The following TACC2 variants were observed in gnomAD, a reference collection of about 807,000 sequenced individuals.
TACC2 encodes transforming acidic coiled-coil containing protein 2, also known as transforming acidic coiled-coil-containing protein 2.
A neutral mutation model predicts 227.3 loss-of-function variants in TACC2; 137 were observed. The observed-to-expected ratio is 0.60, with a 90% CI of 0.52 to 0.69. TACC2 has a LOEUF of 0.69. TACC2 is among the 30% of genes least tolerant of loss of function. TACC2 has a pLI of 0.00. For synonymous variants in TACC2, 1,523 were observed against 1,487.5 expected, an observed-to-expected ratio of 1.02 and a Z score of -0.55; for missense variants, 3,470 against 3,694.4, an observed-to-expected ratio of 0.94 and a Z score of 1.57.
chr10:122,237,487 T>G lies in TACC2; in HGVS notation c.8220T>G (p.Leu2740=). The G allele has an allele frequency of 6.2e-7, 1 of 1,614,132 alleles. No homozygotes were observed. The highest frequency in any genetic ancestry group is 8.5e-7 in the Non-Finnish European group (1 of 1,180,016). ...CTGAGGTGGAGAAACCTGCAGGCCT[T>G]CTGTTCCAGCAGCCCGACCTGGACT... ...GTAEVEKPAG[L]LFQQPDLDSA... is the part of the protein sequence containing the mutation. The change falls in exon 17 of 23, where the codon CTT becomes CTG. Residue 2740 remains leucine (L), a synonymous_variant. Coordinates refer to ENST00000369005, the MANE Select transcript of TACC2 (RefSeq NM_206862.4).
intron 9 of TACC2, chr10:122,213,241 G>C (rs2141065464): frequency 8.1e-7 from 1 of 1,241,644 alleles, no homozygotes. Flanking sequence ...TACAGCGGTG[G>C]CCGCCATATC....
chr10:122,230,546 C>G, intron 16 of TACC2, 106 bp downstream of exon 16: 1 of 1,020,486 alleles, frequency 9.8e-7, no homozygotes, highest in Non-Finnish European at 1.5e-6. Context: ...TCATCGGTGT[C>G]CAGCAAAGAG....
chr10:122,154,172 T>A (rs2092305328), intron 7 of TACC2, among the ~76,000 whole-genome samples: 1 of 152,224 alleles, frequency 6.6e-6, no homozygotes, highest in Admixed American at 6.5e-5. Flanking sequence ...GTCTACCCAT[T>A]TCTCCATTCA....
At chr10:122,197,051 G>A (rs10887099) in intron 8 of TACC2, among the ~76,000 whole-genome samples, 9,338 of 151,770 alleles carry the variant, frequency 0.062, 935 homozygotes, top group African/African-American at 0.21. Context: ...ACCTGAGGTC[G>A]GGAGTTCGAG....
intron 7 of TACC2, among the ~76,000 whole-genome samples, chr10:122,148,520 G>A (rs960423224): frequency 3.9e-5 from 6 of 152,376 alleles, no homozygotes; most frequent in African/African-American, 1.4e-4. Flanking sequence ...TGGGTGTTAT[G>A]CGCAGGCAGC....
intron 3 of TACC2, among the ~76,000 whole-genome samples, chr10:122,057,682 T>C (rs1223563275): frequency 6.6e-6 from 1 of 151,700 alleles, no homozygotes; most frequent in Non-Finnish European, 1.5e-5. Context: ...TAGCCAGGCA[T>C]GGTGGTGGGC....
chr10:122,206,223 T>C (rs778788273), intron 8 of TACC2, among the ~76,000 whole-genome samples: 9 of 152,230 alleles, frequency 5.9e-5, no homozygotes, highest in Non-Finnish European at 1.2e-4. Context: ...GGGTGATGTC[T>C]GCTGCCCTGT....
Position 122,086,073 on chromosome 10 carries a change from G to A in TACC2, c.3573G>A (p.Gln1191=), listed in dbSNP as rs780796802. 5 of 1,613,868 alleles carry A rather than the reference G, an allele frequency of 3.1e-6. No homozygotes were observed. Among genetic ancestry groups the A allele is most frequent in the East Asian group, 2.2e-5 (1 of 44,876 alleles). ...CQAEHPMASC[Q]DALLPARELG... ...CTGAGCACCCCATGGCCAGCTGCCA[G>A]GATGCCTTGCTGCCAGCCAGAGAGC... The change falls in exon 4 of 23, where the codon CAG becomes CAA. Residue 1191 remains glutamine (Q), a synonymous_variant. Transcript: ENST00000369005.
At chr10:122,114,841 CCTTGTCT>C (rs562668012) in intron 5 of TACC2, among the ~76,000 whole-genome samples, 78 of 152,320 alleles carry the variant, frequency 5.1e-4, no homozygotes, top group African/African-American at 1.8e-3. Context: ...AGGATTAGCC[CCTTGTCT>C]CTCCGTTCCA....
intron 8 of TACC2, among the ~76,000 whole-genome samples, chr10:122,198,802 T>C (rs962180837): frequency 1.3e-5 from 2 of 152,004 alleles, no homozygotes; most frequent in African/African-American, 4.8e-5. Context: ...GGCAGGCCCT[T>C]AGTAGGTGTT....
chr10:122,095,803 C>T (rs563929019), intron 5 of TACC2, among the ~76,000 whole-genome samples: 15 of 152,340 alleles, frequency 9.8e-5, no homozygotes, highest in South Asian at 2.1e-4. Flanking sequence ...CCAATACAGT[C>T]GCTGCTGGCC....
chr10:122,015,073 T>C (rs942142769), intron 1 of TACC2, among the ~76,000 whole-genome samples: 1 of 74,520 alleles, frequency 1.3e-5, no homozygotes, highest in Non-Finnish European at 2.7e-5. Flanking sequence ...AAACCACTTA[T>C]GGTACTTACA....
chr10:122,040,458 G>A (rs1484803783), intron 2 of TACC2, among the ~76,000 whole-genome samples: 1 of 152,172 alleles, frequency 6.6e-6, no homozygotes. Flanking sequence ...AAATCCTGAA[G>A]GTGGGCTTCA....
intron 10 of TACC2, among the ~76,000 whole-genome samples, chr10:122,216,108 GAA>G (rs2095399765): frequency 6.6e-6 from 1 of 152,226 alleles, no homozygotes; most frequent in Non-Finnish European, 1.5e-5. Context: ...GCAGTGGAGG[GAA>G]GCACTCAGCC....
intron 3 of TACC2, among the ~76,000 whole-genome samples, chr10:122,078,534 T>A (rs1239781459): frequency 6.6e-6 from 1 of 152,178 alleles, no homozygotes; most frequent in Non-Finnish European, 1.5e-5. Context: ...TGATGGAGGC[T>A]CTAGTCCCTG....
chr10:122,161,124 C>T (rs1047680466), intron 7 of TACC2, among the ~76,000 whole-genome samples: 2 of 152,050 alleles, frequency 1.3e-5, no homozygotes, highest in Non-Finnish European at 2.9e-5. Flanking sequence ...TTTGTAGAGA[C>T]AAGGTCTCAC....
At chr10:122,228,153 A>G (rs1589757298) in intron 14 of TACC2, 145 bp downstream of exon 14, 1 of 790,674 alleles carries the variant, frequency 1.3e-6, no homozygotes, top group South Asian at 1.9e-5. Flanking sequence ...ACAGAAGCCA[A>G]CCTGGGAAAT....
rs2095275595 is a variant in TACC2, at chr10:122,210,880, A to G, written c.6455A>G (p.Glu2152Gly). 5 of 1,613,530 alleles carry G rather than the reference A, an allele frequency of 3.1e-6. No individual in the cohort carries two copies. Among genetic ancestry groups the G allele is most frequent in the Non-Finnish European group, 4.2e-6 (5 of 1,179,950 alleles). ...CCCACAGAGACCCCCCCAGTGAAGG[A>G]GACGCAACAGGAGCCAGATGAAGAG... The part of the protein sequence containing the change: ...KKPTETPPVK[E>G]TQQEPDEESL... The change falls in exon 9 of 23, where the codon GAG (glutamate) becomes GGG (glycine). Residue 2152 changes from glutamate (E) to glycine (G), a missense_variant. Around this residue, in one of 10 missense-constraint regions of TACC2, gnomAD observed 593 missense variants for 636.6 expected, o/e 0.93. Transcript: ENST00000369005. This position sits in a 1 kb window ranked among gnomAD's most constrained non-coding sequence, Gnocchi z 4.6.
At chr10:122,190,283 G>A (rs1407657740) in intron 7 of TACC2, among the ~76,000 whole-genome samples, 1 of 152,152 alleles carries the variant, frequency 6.6e-6, no homozygotes, top group Admixed American at 6.5e-5. Flanking sequence ...GCATTTTCCA[G>A]CTACCTGACT....
Sources: allele counts gnomAD v4.1 joint callset (sites outside exome capture counted in the v4.1 genomes callset), GRCh38; gene constraint gnomAD v4.1.1; regional missense constraint gnomAD v4.1.1; non-coding constraint Gnocchi (gnomAD v3.1); transcripts MANE v1.5; gene names NCBI Gene and HGNC (gene_info 2026-07-23, HGNC 2026-07-21).